Variants in HTR1F observed in about 807,000 individuals in gnomAD.
The protein encoded by HTR1F is 5-hydroxytryptamine receptor 1F, also known as 5-hydroxytryptamine (serotonin) receptor 1F, G protein-coupled.
Under a neutral mutation model 24.0 loss-of-function variants are expected in HTR1F, and 17 were observed. That is an observed-to-expected ratio of 0.71 (90% confidence interval 0.48 to 1.06). The LOEUF (loss-of-function observed/expected upper bound fraction) is 1.06. HTR1F is among the 50% of genes least tolerant of loss of function. HTR1F has a pLI of 0.00. For missense variants in HTR1F, 391 were observed against 427.8 expected (o/e 0.91, Z 0.76); for synonymous variants, 186 against 156.8 (o/e 1.19, Z -1.39).
chr3:87,821,200 T>C (rs1414611837), intron 1 of HTR1F, among the ~76,000 whole-genome samples: 1 of 152,196 alleles, frequency 6.6e-6, no homozygotes, highest in Non-Finnish European at 1.5e-5. Context: ...CATAAGTTTT[T>C]CTGCACTGTT....
intron 2 of HTR1F, among the ~76,000 whole-genome samples, chr3:87,878,857 T>C (rs1317381049): frequency 6.6e-6 from 1 of 152,186 alleles, no homozygotes; most frequent in African/African-American, 2.4e-5. Context: ...ATAGGTGTCA[T>C]ATTGTAGTTA....
chr3:87,919,662 G>A (rs919032744), intron 2 of HTR1F, among the ~76,000 whole-genome samples: 17 of 151,754 alleles, frequency 1.1e-4, no homozygotes, highest in African/African-American at 4.1e-4. Context: ...ATCAAACCAC[G>A]ATATGATACC....
At chr3:87,910,471 G>A (rs1703754440) in intron 2 of HTR1F, 1 of 151,664 alleles carries the variant, frequency 6.6e-6, no homozygotes, top group East Asian at 1.9e-4. Flanking sequence ...GATTCCTAAA[G>A]CAAGTTCTTA....
chr3:87,807,464 G>C (rs1414300866), intron 1 of HTR1F, among the ~76,000 whole-genome samples: 1 of 151,768 alleles, frequency 6.6e-6, no homozygotes, highest in African/African-American at 2.4e-5. Flanking sequence ...TCTGATTTTT[G>C]TATGCTGACT....
At chr3:87,895,128 G>A (rs1421982428) in intron 2 of HTR1F, among the ~76,000 whole-genome samples, 6 of 152,154 alleles carry the variant, frequency 3.9e-5, no homozygotes, top group Admixed American at 2.0e-4. Flanking sequence ...AGTCACAGAT[G>A]TAGGTTTGCC....
intron 2 of HTR1F, among the ~76,000 whole-genome samples, chr3:87,848,112 G>C (rs1704987947): frequency 6.6e-6 from 1 of 151,820 alleles, no homozygotes; most frequent in Non-Finnish European, 1.5e-5. Flanking sequence ...CACAGTGGCT[G>C]TACTAGTTTA....
chr3:87,878,492 A>T (rs559891302), intron 2 of HTR1F, among the ~76,000 whole-genome samples: 2 of 152,292 alleles, frequency 1.3e-5, no homozygotes, highest in South Asian at 4.2e-4. Flanking sequence ...TCAGACTCTT[A>T]CTTTTGCTCA....
At chr3:87,893,691 T>G (rs564100236) in intron 2 of HTR1F, among the ~76,000 whole-genome samples, 40 of 152,352 alleles carry the variant, frequency 2.6e-4, no homozygotes, top group African/African-American at 9.4e-4. Context: ...ATCTTTGCTT[T>G]GCAATCCATG....
intron 2 of HTR1F, among the ~76,000 whole-genome samples, chr3:87,933,506 T>A (rs533326538): frequency 1.3e-5 from 2 of 152,278 alleles, no homozygotes; most frequent in African/African-American, 4.8e-5. Context: ...TTCAGCAAAG[T>A]CTCAGGATAT....
chr3:87,843,063 A>G (rs1271852856), intron 2 of HTR1F, among the ~76,000 whole-genome samples: 1 of 151,898 alleles, frequency 6.6e-6, no homozygotes, highest in African/African-American at 2.4e-5. Flanking sequence ...AAGTGGACCC[A>G]TGCAATTGAA....
In HTR1F at chr3:87,933,729, TC is replaced by T. The variant is rs1181229677; in HGVS notation, c.-42-56977del. ...AGGATACAAAGAAATGGAAGAACAT[TC>T]CATGCTCATGGGTAGGAAGAATCAA... On this transcript the variant is annotated intron_variant, in intron 2 of 2. Transcript: ENST00000319595. Among the ~76,000 whole-genome samples, 5 of 152,222 alleles carry T rather than the reference TC, an allele frequency of 3.3e-5. No individual in the cohort carries two copies. In the East Asian group the frequency reaches 9.6e-4, roughly 29 times the overall value.
At chr3:87,930,431 G>A (rs1178447434) in intron 2 of HTR1F, among the ~76,000 whole-genome samples, 1 of 152,028 alleles carries the variant, frequency 6.6e-6, no homozygotes, top group Non-Finnish European at 1.5e-5. Context: ...TGTCATAGGT[G>A]GCTCTTAATG....
chr3:87,966,881 T>C (rs1705173535), intron 2 of HTR1F, among the ~76,000 whole-genome samples: 1 of 152,168 alleles, frequency 6.6e-6, no homozygotes, highest in Admixed American at 6.5e-5. Flanking sequence ...TACTCTCATA[T>C]GGCTACAGAG....
chr3:87,843,646 A>C (rs915763898), intron 2 of HTR1F, among the ~76,000 whole-genome samples: 11 of 149,636 alleles, frequency 7.4e-5, no homozygotes, highest in Non-Finnish European at 1.2e-4. Context: ...ATCATCTAGC[A>C]TTAGGTATAT....
Position 87,965,669 on chromosome 3 carries a change from T to G in HTR1F, c.-42-25039T>G, listed in dbSNP as rs190807497. ...GCGACACACCTTATTTGGAACAACT[T>G]TTGCAAGGAGATACTAAACAACCAC... is the stretch of plus-strand genomic sequence containing the variant. On this transcript the variant is annotated intron_variant, in intron 2 of 2. Coordinates refer to ENST00000319595, the MANE Select transcript of HTR1F (RefSeq NM_001322209.2). 1.6e-3 allele frequency among the ~76,000 whole-genome samples: 237 copies of G among 152,178 alleles called. 1 individual carries two copies. The highest frequency in any genetic ancestry group is 2.5e-3 in the Admixed American group (38 of 15,270).
chr3:87,894,959 C>T (rs1384298076), intron 2 of HTR1F, among the ~76,000 whole-genome samples: 9 of 152,008 alleles, frequency 5.9e-5, no homozygotes, highest in Admixed American at 5.9e-4. Context: ...ATGATTAAGG[C>T]TTAGTGAATG....
At chr3:87,907,931 T>C (rs1703701566) in intron 2 of HTR1F, among the ~76,000 whole-genome samples, 1 of 152,068 alleles carries the variant, frequency 6.6e-6, no homozygotes. Context: ...TATAAGTTTC[T>C]GTCTGGAAAC....
chr3:87,923,970 C>CT (rs1399424964), intron 2 of HTR1F, among the ~76,000 whole-genome samples: 3 of 151,798 alleles, frequency 2.0e-5, no homozygotes, highest in African/African-American at 7.3e-5. Context: ...ATTTTATGTC[C>CT]TTGTCTAGTT....
chr3:87,944,385 G>A (rs1470704034), intron 2 of HTR1F, among the ~76,000 whole-genome samples: 1 of 152,202 alleles, frequency 6.6e-6, no homozygotes, highest in African/African-American at 2.4e-5. Flanking sequence ...AGTGCAAACA[G>A]CTCCCACTTT....
Sources: allele counts gnomAD v4.1 joint callset (sites outside exome capture counted in the v4.1 genomes callset), GRCh38; gene constraint gnomAD v4.1.1; transcripts MANE v1.5; gene names NCBI Gene and HGNC (gene_info 2026-07-23, HGNC 2026-07-21).